Variants in SMAD3 observed in about 807,000 individuals in gnomAD.
The protein encoded by SMAD3 is SMAD family member 3.
A neutral mutation model predicts 51.8 loss-of-function variants in SMAD3; 12 were observed. That is an observed-to-expected ratio of 0.23 (90% CI 0.15 to 0.38). The LOEUF (loss-of-function observed/expected upper bound fraction) is 0.38, where lower values mean the gene tolerates loss of function less well. SMAD3 is among the 10% of genes least tolerant of loss of function. The probability of loss-of-function intolerance (pLI) is 1.00; values close to 1 mark genes in which losing one functional copy is unlikely to be tolerated. For missense variants in SMAD3, 294 were observed against 565.6 expected (o/e 0.52, Z 4.87); for synonymous variants, 238 against 227.7 (o/e 1.05, Z -0.41).
intron 1 of SMAD3, among the ~76,000 whole-genome samples, chr15:67,121,384 C>G (rs1396336160): frequency 2.0e-5 from 3 of 152,184 alleles, no homozygotes; most frequent in South Asian, 2.1e-4. Flanking sequence ...GCTCTCCCCC[C>G]ACGAGTGACT....
chr15:67,128,720 C>T (rs894832969), intron 1 of SMAD3, among the ~76,000 whole-genome samples: 6 of 151,910 alleles, frequency 3.9e-5, no homozygotes, highest in South Asian at 2.1e-4. Flanking sequence ...TGCAGGTGCA[C>T]GCCACCACAC....
In SMAD3 at chr15:67,183,000, AAT is replaced by A. The variant is rs1555413788; in HGVS notation, c.871+1578_871+1579del. On this transcript the variant is annotated intron_variant, in intron 6 of 8. Coordinates refer to ENST00000327367, the MANE Select transcript of SMAD3 (RefSeq NM_005902.4). Reference sequence around the variant, plus strand: ...CTATATTTTATTAAAAAAAAAAAAAAATATATATATATATATATATATATATA... The same window carrying A: ...CTATATTTTATTAAAAAAAAAAAAAAATATATATATATATATATATATATA... Among the ~76,000 whole-genome samples the A allele has an allele frequency of 7.6e-3, 331 of 43,644 alleles. 9 individuals are homozygous for A. The highest frequency in any genetic ancestry group is 0.031 in the Middle Eastern group (2 of 64). 28.6% of individuals were successfully genotyped at this position (43,644 alleles called of 152,430 possible).
intron 1 of SMAD3, among the ~76,000 whole-genome samples, chr15:67,160,042 T>C (rs1219149388): frequency 1.3e-5 from 2 of 152,244 alleles, no homozygotes; most frequent in Non-Finnish European, 2.9e-5. Context: ...TATGGTAGGC[T>C]TATGGTTTTT....
At chr15:67,153,784 A>G (rs1421008048) in intron 1 of SMAD3, among the ~76,000 whole-genome samples, 12 of 152,194 alleles carry the variant, frequency 7.9e-5, no homozygotes, top group Admixed American at 7.2e-4. Flanking sequence ...CAACGTTGAG[A>G]AACTCTGGGC....
At chr15:67,096,927 A>C (rs1273565177) in intron 1 of SMAD3, among the ~76,000 whole-genome samples, 1 of 152,246 alleles carries the variant, frequency 6.6e-6, no homozygotes, top group East Asian at 1.9e-4. Context: ...TTCAGAGGCT[A>C]CAAACATACT....
At chr15:67,155,625 C>T (rs1962262564) in intron 1 of SMAD3, among the ~76,000 whole-genome samples, 1 of 152,122 alleles carries the variant, frequency 6.6e-6, no homozygotes, top group African/African-American at 2.4e-5. Context: ...CTTGAAGTCA[C>T]TCAAGTCTTG....
intron 4 of SMAD3, among the ~76,000 whole-genome samples, chr15:67,168,005 G>A (rs533191846): frequency 9.8e-5 from 15 of 152,350 alleles, no homozygotes; most frequent in South Asian, 6.2e-4. Context: ...CCAGGCTGGC[G>A]TGTAGTAGCG....
chr15:67,093,526 C>G (rs1273873456), intron 1 of SMAD3, among the ~76,000 whole-genome samples: 1 of 152,208 alleles, frequency 6.6e-6, no homozygotes, highest in African/African-American at 2.4e-5. Flanking sequence ...ACTTTGCTCT[C>G]TCTCAGTCTT....
chr15:67,111,987 C>T (rs999552516), intron 1 of SMAD3, among the ~76,000 whole-genome samples: 1 of 151,654 alleles, frequency 6.6e-6, no homozygotes, highest in African/African-American at 2.4e-5. Context: ...AGGGTTTCAC[C>T]ATGATGGCCA....
At chr15:67,071,292 C>T (rs973825024) in intron 1 of SMAD3, among the ~76,000 whole-genome samples, 2 of 152,144 alleles carry the variant, frequency 1.3e-5, no homozygotes, top group Non-Finnish European at 1.5e-5. Flanking sequence ...AGAATGAGGA[C>T]GTCTTTATCC....
chr15:67,089,775 A>T (rs914992496), intron 1 of SMAD3, among the ~76,000 whole-genome samples: 4 of 152,236 alleles, frequency 2.6e-5, no homozygotes, highest in African/African-American at 9.6e-5. Flanking sequence ...TCTCCCTGAC[A>T]GTCCCTGGAA....
chr15:67,088,336 G>C (rs1055360244), intron 1 of SMAD3, among the ~76,000 whole-genome samples: 1 of 152,182 alleles, frequency 6.6e-6, no homozygotes, highest in African/African-American at 2.4e-5. Context: ...AGGTGAGGTG[G>C]GTGGGCAGGG....
chr15:67,139,271 C>T (rs2140262499), intron 1 of SMAD3, among the ~76,000 whole-genome samples: 1 of 152,274 alleles, frequency 6.6e-6, no homozygotes, highest in South Asian at 2.1e-4. Context: ...AAATAAACCT[C>T]AGATGCCCCG....
chr15:67,137,988 C>G, intron 1 of SMAD3: 1 of 1,436,296 alleles, frequency 7.0e-7, no homozygotes, highest in Non-Finnish European at 9.6e-7. Flanking sequence ...TCATCAGAAT[C>G]CCTCCCTCCC....
In SMAD3 at chr15:67,194,099, T is replaced by C; in HGVS notation, c.*3563T>C. ...GCAAGAGAGTGCACCCGTTTAGCCC[T>C]GGACCCTGTTTCTTACTGTGTGACT... is the stretch of plus-strand genomic sequence containing the variant. On this transcript the variant is annotated 3_prime_UTR_variant, in exon 9 of 9. Transcript: ENST00000327367. 4.3e-6 allele frequency: 1 copy of C among 233,420 alleles called. No homozygotes were observed. The highest frequency in any genetic ancestry group is 1.3e-3 in the Middle Eastern group (1 of 786). 14.5% of individuals were successfully genotyped at this position (233,420 alleles called of 1,614,324 possible).
At chr15:67,102,267 T>TGTGTGTGTGC (rs781214785) in intron 1 of SMAD3, among the ~76,000 whole-genome samples, 6 of 131,962 alleles carry the variant, frequency 4.5e-5, no homozygotes, top group African/African-American at 1.1e-4. Context: ...TGTGTGTGTG[T>TGTGTGTGTGC]GCGGTGTGTG....
At chr15:67,067,839 G>T (rs1477047950) in intron 1 of SMAD3, among the ~76,000 whole-genome samples, 1 of 152,152 alleles carries the variant, frequency 6.6e-6, no homozygotes, top group East Asian at 1.9e-4. Context: ...TGGTCAGAGA[G>T]ACCTGGGATT....
intron 1 of SMAD3, among the ~76,000 whole-genome samples, chr15:67,135,189 C>T (rs1961627207): frequency 6.6e-6 from 1 of 152,166 alleles, no homozygotes; most frequent in African/African-American, 2.4e-5. Context: ...GGTTCTAGCA[C>T]TGAGAGGGGC....
Position 67,066,765 on chromosome 15 carries a change from G to C in SMAD3, c.206+405G>C, listed in dbSNP as rs974410293. 2.2e-4 allele frequency among the ~76,000 whole-genome samples: 33 copies of C among 152,238 alleles called. No individual in the cohort carries two copies. The East Asian group carries it at 5.8e-3, about 27-fold the overall frequency. On this transcript the variant is annotated intron_variant, in intron 1 of 8. Transcript: ENST00000327367. ...GCCGCCTCCCGCCCCCGCGGCCCGC[G>C]CTCGTGGAGGTGGTGGTGTCTTTGC...
Sources: gnomAD v4.1 joint callset for allele counts (sites outside exome capture counted in the v4.1 genomes callset) on GRCh38, gnomAD v4.1.1 for gene constraint, MANE v1.5 for transcripts, NCBI Gene and HGNC (gene_info 2026-07-23, HGNC 2026-07-21) for gene names.